The following IMPACT variants were observed in gnomAD, a reference collection of about 807,000 sequenced individuals.
IMPACT encodes the protein impact RWD domain protein.
A neutral mutation model predicts 47.5 loss-of-function variants in IMPACT; 35 were observed. That is an observed-to-expected ratio of 0.74 (90% confidence interval 0.56 to 0.98). The LOEUF is 0.98. Among genes scored for constraint, IMPACT ranks in the 50% least tolerant of loss-of-function variants. The pLI, the probability that IMPACT is intolerant of heterozygous loss-of-function variation, is 0.00. For missense variants in IMPACT, 373 were observed against 394.8 expected (o/e 0.94, Z 0.47); for synonymous variants, 118 against 125.6 (o/e 0.94, Z 0.40).
At position 24,426,755 on chromosome 18, in the gene IMPACT, A is replaced by T; in HGVS notation, c.-2A>T. On this transcript the variant is annotated 5_prime_UTR_variant, in exon 1 of 11. Transcript: ENST00000284202. ...CGGCTGCAGGGCAGGTCCAGGGGCCACATGGCTGAGGGGGACGCAGGGAGC... is the reference window on the plus strand; with the variant it reads ...CGGCTGCAGGGCAGGTCCAGGGGCCTCATGGCTGAGGGGGACGCAGGGAGC... The T allele has an allele frequency of 8.0e-7, 1 of 1,244,356 alleles. No individual in the cohort carries two copies. The highest frequency in any genetic ancestry group is 1.0e-6 in the Non-Finnish European group (1 of 992,316). 77.1% of individuals were successfully genotyped at this position (1,244,356 alleles called of 1,614,324 possible). A position where few individuals can be genotyped will look rare whatever the true frequency, so the allele number is the denominator to read the frequency against.
chr18:24,444,488 T>C (rs1237947234), intron 7 of IMPACT, among the ~76,000 whole-genome samples: 1 of 152,230 alleles, frequency 6.6e-6, no homozygotes, highest in African/African-American at 2.4e-5. Flanking sequence ...CATGTGTCAT[T>C]CTGTTCTCTC....
At chr18:24,449,422 C>G (rs1441394146) in intron 9 of IMPACT, among the ~76,000 whole-genome samples, 3 of 152,154 alleles carry the variant, frequency 2.0e-5, no homozygotes, top group Non-Finnish European at 4.4e-5. Context: ...CTCGTGCAGC[C>G]CCTGTAGCTT....
At chr18:24,447,973 G>T in intron 8 of IMPACT, 120 bp from the exon 9 acceptor site, 1 of 595,068 alleles carries the variant, frequency 1.7e-6, no homozygotes, top group East Asian at 2.8e-5. Flanking sequence ...ATTTCAGGAA[G>T]GATTTAAAAA....
chr18:24,436,989 A>G (rs1908964019), intron 4 of IMPACT, among the ~76,000 whole-genome samples: 1 of 152,210 alleles, frequency 6.6e-6, no homozygotes, highest in Non-Finnish European at 1.5e-5. Flanking sequence ...CAATACAAGT[A>G]TTTAGTTTTA....
chr18:24,435,815 C>T (rs1908917178), intron 4 of IMPACT, among the ~76,000 whole-genome samples: 1 of 149,106 alleles, frequency 6.7e-6, no homozygotes, highest in Admixed American at 6.7e-5. Flanking sequence ...TCTGTGTTTA[C>T]TAATAGGTAC....
intron 5 of IMPACT, among the ~76,000 whole-genome samples, chr18:24,440,143 ACTCATG>A (rs78310112): frequency 0.21 from 31,640 of 152,054 alleles, 4,152 homozygotes; most frequent in Middle Eastern, 0.35. Context: ...ATCAGTATGG[ACTCATG>A]TATATTATTT....
rs1448875411 is a variant in IMPACT, at chr18:24,427,876, G to A, written c.37-43G>A. On this transcript the variant is annotated intron_variant, in intron 1 of 10. Transcript: ENST00000284202. ...TAAAGTAGTAAGAATAGGATTTTAA[G>A]ATGTGTACATTTGTTGACTTTTAAA... 4 of 1,546,826 alleles carry A rather than the reference G, an allele frequency of 2.6e-6. No homozygotes were observed. In the African/African-American group the frequency reaches 5.6e-5, roughly 22 times the overall value.
chr18:24,427,922 G>A lies in IMPACT; in HGVS notation c.40G>A (p.Glu14Lys). 6.3e-7 allele frequency: 1 copy of A among 1,595,352 alleles called. No individual in the cohort carries two copies. The highest frequency in any genetic ancestry group is 1.4e-5 in the African/African-American group (1 of 73,852). Reference protein sequence around the residue: ...GDAGSDQRQNEEIEAMAAIYG... With the variant: ...GDAGSDQRQNKEIEAMAAIYG... ...TTAAAAAATCAATTTCTTTCAGAAT[G>A]AGGAAATTGAAGCAATGGCAGCCAT... The change falls in exon 2 of 11, where the codon GAG becomes AAG. Residue 14 changes from glutamate to lysine, a missense_variant. By Grantham distance (56) the Glu-to-Lys change is moderately conservative (BLOSUM62 1). Coordinates refer to ENST00000284202, the MANE Select transcript of IMPACT (RefSeq NM_018439.4).
chr18:24,450,927 G>C lies in IMPACT; in HGVS notation c.*80G>C, dbSNP rs1451987998. On this transcript the variant is annotated 3_prime_UTR_variant, in exon 11 of 11. Transcript: ENST00000284202. ...GTCATCAAGGAATATATTGTGCAGAGAGAGTATCCTTGACTGCTTAAGTCA... is the reference window on the plus strand; with the variant it reads ...GTCATCAAGGAATATATTGTGCAGACAGAGTATCCTTGACTGCTTAAGTCA... The C allele has an allele frequency of 3.5e-6, 3 of 860,358 alleles. No homozygotes were observed. Among genetic ancestry groups the C allele is most frequent in the Non-Finnish European group, 5.6e-6 (3 of 538,354 alleles). The allele number at this position is 860,358 out of a possible 1,614,324, so 53.3% of individuals were successfully genotyped here.
intron 10 of IMPACT, among the ~76,000 whole-genome samples, 199 bp from the exon 11 acceptor site, chr18:24,450,580 A>G (rs900062213): frequency 2.0e-5 from 3 of 152,190 alleles, no homozygotes; most frequent in African/African-American, 4.8e-5. Flanking sequence ...ATATTAGCCT[A>G]TAAGTGAAAG....
chr18:24,433,871 A>G (rs1158517210), intron 4 of IMPACT, among the ~76,000 whole-genome samples: 1 of 150,618 alleles, frequency 6.6e-6, no homozygotes, highest in Non-Finnish European at 1.5e-5. Flanking sequence ...GGGTTTCAGC[A>G]TTTTGGCCAG....
intron 6 of IMPACT, among the ~76,000 whole-genome samples, chr18:24,441,633 G>C (rs535798731): frequency 6.6e-6 from 1 of 152,118 alleles, no homozygotes; most frequent in Admixed American, 6.5e-5. Flanking sequence ...GTAGACCAGG[G>C]GGAATATTCA....
intron 9 of IMPACT, among the ~76,000 whole-genome samples, chr18:24,449,367 T>C (rs1435176408): frequency 6.6e-6 from 1 of 152,162 alleles, no homozygotes; most frequent in African/African-American, 2.4e-5. Context: ...CTGATCTAGA[T>C]CTCAACTGAT....
intron 4 of IMPACT, among the ~76,000 whole-genome samples, chr18:24,434,733 A>G: frequency 6.9e-6 from 1 of 145,746 alleles, no homozygotes; most frequent in Non-Finnish European, 1.5e-5. Context: ...ATTGCACTCC[A>G]GCCTGGGCAA....
intron 6 of IMPACT, among the ~76,000 whole-genome samples, chr18:24,442,150 CTTTTTTTTT>C (rs397965432): frequency 8.6e-6 from 1 of 116,478 alleles, no homozygotes; most frequent in East Asian, 2.5e-4. Flanking sequence ...ATTAGTGATT[CTTTTTTTTT>C]TTTTTTTTTT....
Position 24,434,781 on chromosome 18 carries a change from A to G in IMPACT, c.282-3174A>G, listed in dbSNP as rs1908864786. Among the ~76,000 whole-genome samples, 3 of 102,236 alleles carry G rather than the reference A, an allele frequency of 2.9e-5. 1 individual carries two copies. Among genetic ancestry groups the G allele is most frequent in the Admixed American group, 2.0e-4 (2 of 9,800 alleles). The allele number at this position is 102,236 out of a possible 152,430, so 67.1% of individuals were successfully genotyped here. ...TCTGTCTCAAAAAAAAAAAAAATAT[A>G]TATATATATATATATGTGTGTGTGT... On this transcript the variant is annotated intron_variant, in intron 4 of 10. Coordinates refer to ENST00000284202, the MANE Select transcript of IMPACT (RefSeq NM_018439.4).
Position 24,437,968 on chromosome 18 carries a change from G to A in IMPACT, c.295G>A (p.Glu99Lys), listed in dbSNP as rs1200566459. ...AATTTTGTTTAGTCAGAATATCGGT[G>A]AAAGTATTCTTTACCTGTGGGTGGA... The part of the protein sequence containing the change: ...LEEIYIQNIG[E>K]SILYLWVEKI... Residue 99 changes from glutamate (E) to lysine (K), a missense_variant, in exon 5 of 11, where the codon GAA becomes AAA. Coordinates refer to ENST00000284202, the MANE Select transcript of IMPACT (RefSeq NM_018439.4). 3.9e-6 allele frequency: 6 copies of A among 1,549,356 alleles called. No homozygotes were observed. The highest frequency in any genetic ancestry group is 1.4e-5 in the African/African-American group (1 of 72,708).
chr18:24,448,680 G>T (rs1909305971), intron 9 of IMPACT, among the ~76,000 whole-genome samples: 1 of 151,404 alleles, frequency 6.6e-6, no homozygotes, highest in South Asian at 2.1e-4. Flanking sequence ...GTTCTTTCTT[G>T]TTTTCTGTTT....
intron 4 of IMPACT, among the ~76,000 whole-genome samples, chr18:24,434,846 GTGTATATATA>G (rs1908873062): frequency 1.5e-5 from 2 of 136,134 alleles, no homozygotes; most frequent in Admixed American, 1.5e-4. Flanking sequence ...ATATATATGT[GTGTATATATA>G]TGTGTATATA....
Sources: gnomAD v4.1 joint callset for allele counts (sites outside exome capture counted in the v4.1 genomes callset) on GRCh38, gnomAD v4.1.1 for gene constraint, MANE v1.5 for transcripts, NCBI Gene and HGNC (gene_info 2026-07-23, HGNC 2026-07-21) for gene names.